Variants in RAB7A observed in about 807,000 individuals in gnomAD.
RAB7A encodes the protein ras-related protein Rab-7a.
RAB7A carries 2 observed loss-of-function variants against 24.5 expected under a neutral mutation model. That is an observed-to-expected ratio of 0.08 (90% CI 0.03 to 0.26). The LOEUF (loss-of-function observed/expected upper bound fraction) is 0.26. Among genes scored for constraint, RAB7A ranks in the 10% least tolerant of loss-of-function variants. The probability of loss-of-function intolerance (pLI) is 1.00; values close to 1 mark genes in which losing one functional copy is unlikely to be tolerated. For missense variants in RAB7A, 118 were observed against 255.7 expected (o/e 0.46, Z 3.67); for synonymous variants, 100 against 95.9 (o/e 1.04, Z -0.25).
At chr3:128,810,251 C>G (rs945048385) in intron 5 of RAB7A, among the ~76,000 whole-genome samples, 2 of 151,942 alleles carry the variant, frequency 1.3e-5, no homozygotes, top group African/African-American at 4.8e-5. Flanking sequence ...CGGCCTGCCA[C>G]ATTTCTTTTT....
chr3:128,789,279 G>A lies in RAB7A; in HGVS notation c.-8-6081G>A, dbSNP rs992729373. Among the ~76,000 whole-genome samples, 3 of 151,056 alleles carry A rather than the reference G, an allele frequency of 2.0e-5. No homozygotes were observed. In the South Asian group the frequency reaches 6.3e-4, roughly 32 times the overall value. On this transcript the variant is annotated intron_variant, in intron 1 of 5. Coordinates refer to ENST00000265062, the MANE Select transcript of RAB7A (RefSeq NM_004637.6). ...GATTCTCCTGTGAGAGGAAGTGGTC[G>A]GTGCTTTAGAGAACTGTTTTCCAGT...
At chr3:128,743,914 G>T (rs767922856) in intron 1 of RAB7A, among the ~76,000 whole-genome samples, 1 of 151,182 alleles carries the variant, frequency 6.6e-6, no homozygotes, top group Non-Finnish European at 1.5e-5. Context: ...TCAGCCTCCC[G>T]AGTAGCTGGG....
intron 1 of RAB7A, among the ~76,000 whole-genome samples, chr3:128,735,785 T>A (rs1025291107): frequency 5.9e-5 from 9 of 152,210 alleles, no homozygotes; most frequent in African/African-American, 2.2e-4. Flanking sequence ...AGGGTTGATA[T>A]CAAACTATCG....
chr3:128,784,193 C>A (rs1322269304), intron 1 of RAB7A, among the ~76,000 whole-genome samples: 2 of 152,220 alleles, frequency 1.3e-5, no homozygotes, highest in African/African-American at 4.8e-5. Context: ...AGAATCACCT[C>A]AAACTTAGCA....
chr3:128,741,004 TTAAG>T (rs1301139640), intron 1 of RAB7A, among the ~76,000 whole-genome samples: 2 of 151,800 alleles, frequency 1.3e-5, no homozygotes, highest in Non-Finnish European at 2.9e-5. Context: ...TTGTAGAAAT[TTAAG>T]TATATATAAT....
chr3:128,803,477 C>G (rs79590562), intron 3 of RAB7A, among the ~76,000 whole-genome samples: 1,703 of 152,156 alleles, frequency 0.011, 35 homozygotes, highest in African/African-American at 0.039. Context: ...TGAGTACAAC[C>G]TTTTCAGTAG....
At chr3:128,813,090 CCT>C (rs1933960008) in intron 5 of RAB7A, among the ~76,000 whole-genome samples, 1 of 152,224 alleles carries the variant, frequency 6.6e-6, no homozygotes, top group East Asian at 1.9e-4. Context: ...TGGCAAGACT[CCT>C]CTCTTCACAT....
chr3:128,731,131 A>G (rs2070431959), intron 1 of RAB7A, among the ~76,000 whole-genome samples: 1 of 152,210 alleles, frequency 6.6e-6, no homozygotes, highest in South Asian at 2.1e-4. Context: ...AAAGTTACTT[A>G]GTGAAGTAAA....
chr3:128,795,750 G>GTTTTTTTTTTTTTT (rs1491091651), intron 2 of RAB7A, among the ~76,000 whole-genome samples: 2 of 6,872 alleles, frequency 2.9e-4, no homozygotes, highest in African/African-American at 6.0e-4. Flanking sequence ...TAGCAGATGT[G>GTTTTTTTTTTTTTT]CTTTTTTTTT....
At chr3:128,741,609 C>T (rs916016510) in intron 1 of RAB7A, among the ~76,000 whole-genome samples, 1 of 152,054 alleles carries the variant, frequency 6.6e-6, no homozygotes, top group Non-Finnish European at 1.5e-5. Flanking sequence ...GTCTCGAACT[C>T]CTGCACTCAA....
At chr3:128,754,201 T>C (rs1013542995) in intron 1 of RAB7A, among the ~76,000 whole-genome samples, 2 of 152,186 alleles carry the variant, frequency 1.3e-5, no homozygotes, top group Admixed American at 1.3e-4. Flanking sequence ...AAGAGACTTA[T>C]GTATCAAGAA....
chr3:128,809,933 AGTCTTTTTTTT>A (rs1424031129), intron 5 of RAB7A, among the ~76,000 whole-genome samples: 5 of 54,056 alleles, frequency 9.2e-5, no homozygotes, highest in Admixed American at 6.2e-4. Flanking sequence ...CTCTTGCCAC[AGTCTTTTTTTT>A]TTTTTTTTTT....
At chr3:128,775,918 C>G (rs959910553) in intron 1 of RAB7A, among the ~76,000 whole-genome samples, 1 of 151,940 alleles carries the variant, frequency 6.6e-6, no homozygotes, top group Non-Finnish European at 1.5e-5. Flanking sequence ...TGTTTAAAAT[C>G]TAGTCTCAGC....
chr3:128,801,787 G>C (rs1933704168), intron 3 of RAB7A, among the ~76,000 whole-genome samples: 1 of 152,078 alleles, frequency 6.6e-6, no homozygotes, highest in Non-Finnish European at 1.5e-5. Flanking sequence ...TTCGAGAATT[G>C]GTGTGGCACC....
chr3:128,755,277 C>T (rs898090388), intron 1 of RAB7A, among the ~76,000 whole-genome samples: 2 of 150,668 alleles, frequency 1.3e-5, no homozygotes, highest in Non-Finnish European at 3.0e-5. Flanking sequence ...ATCACAAGGG[C>T]AATTAGAAAA....
chr3:128,753,513 G>A (rs920799100), intron 1 of RAB7A, among the ~76,000 whole-genome samples: 1 of 152,164 alleles, frequency 6.6e-6, no homozygotes, highest in Non-Finnish European at 1.5e-5. Context: ...ATCCTCAGAT[G>A]TCTTAGTCTT....
intron 1 of RAB7A, among the ~76,000 whole-genome samples, chr3:128,737,235 G>T (rs140202707): frequency 0.054 from 8,189 of 151,612 alleles, 233 homozygotes; most frequent in Non-Finnish European, 0.058. Flanking sequence ...GAGACGGGGT[G>T]TCACTGTGTT....
At chr3:128,791,290 C>G in intron 1 of RAB7A, among the ~76,000 whole-genome samples, 1 of 152,106 alleles carries the variant, frequency 6.6e-6, no homozygotes, top group East Asian at 1.9e-4. Flanking sequence ...TAGTTGCCCA[C>G]CACCACGACC....
chr3:128,805,127 T>C (rs1933774353), intron 3 of RAB7A, among the ~76,000 whole-genome samples: 1 of 152,104 alleles, frequency 6.6e-6, no homozygotes, highest in Non-Finnish European at 1.5e-5. Context: ...TTTTGTTTGT[T>C]TGTTTGTTTG....
Sources: gnomAD v4.1 joint callset for allele counts (sites outside exome capture counted in the v4.1 genomes callset) on GRCh38, gnomAD v4.1.1 for gene constraint, MANE v1.5 for transcripts, NCBI Gene and HGNC (gene_info 2026-07-23, HGNC 2026-07-21) for gene names.